Variants in SOX6 observed in about 807,000 individuals in gnomAD.
SOX6 encodes transcription factor SOX-6.
Under a neutral mutation model 97.8 loss-of-function variants are expected in SOX6, and 11 were observed. That is an observed-to-expected ratio of 0.11 (90% CI 0.07 to 0.19). The LOEUF (loss-of-function observed/expected upper bound fraction) is 0.19, where lower values mean the gene tolerates loss of function less well. Among genes scored for constraint, SOX6 ranks in the 10% least tolerant of loss-of-function variants. The probability of loss-of-function intolerance (pLI) is 1.00; values close to 1 mark genes in which losing one functional copy is unlikely to be tolerated. For missense variants in SOX6, 810 were observed against 1,039.5 expected, an observed-to-expected ratio of 0.78 and a Z score of 3.04; for synonymous variants, 360 against 371.4, an observed-to-expected ratio of 0.97 and a Z score of 0.35.
At chr11:16,534,825 T>C (rs1378885029) in intron 4 of SOX6, among the ~76,000 whole-genome samples, 3 of 152,168 alleles carry the variant, frequency 2.0e-5, no homozygotes, top group Non-Finnish European at 2.9e-5. Context: ...GTCCATCACA[T>C]CTTCAACTGG....
chr11:16,079,148 C>T (rs1848420752), intron 9 of SOX6, among the ~76,000 whole-genome samples: 1 of 152,134 alleles, frequency 6.6e-6, no homozygotes, highest in Non-Finnish European at 1.5e-5. Context: ...ACAATGACTG[C>T]CAAGGAACCA....
chr11:16,718,578 C>T (rs1292927132), intron 2 of SOX6, among the ~76,000 whole-genome samples: 2 of 152,140 alleles, frequency 1.3e-5, no homozygotes, highest in Admixed American at 1.3e-4. Flanking sequence ...ACATATTATC[C>T]TGGTTCAGAA....
At chr11:16,209,109 T>A (rs1458059846) in intron 4 of SOX6, among the ~76,000 whole-genome samples, 1 of 152,242 alleles carries the variant, frequency 6.6e-6, no homozygotes, top group Non-Finnish European at 1.5e-5. Context: ...AAAAAATTTA[T>A]GAAATTGTAA....
At chr11:16,554,522 T>G (rs1847729767) in intron 4 of SOX6, among the ~76,000 whole-genome samples, 1 of 152,246 alleles carries the variant, frequency 6.6e-6, no homozygotes, top group African/African-American at 2.4e-5. Flanking sequence ...TTGTTCACAT[T>G]AGGTTTTATT....
rs570615008 is a variant in SOX6 at position 16,218,256 on chromosome 11, T to C, written c.535+16326A>G. Among the ~76,000 whole-genome samples, 235 of 152,234 alleles carry C rather than the reference T, an allele frequency of 1.5e-3. No individual in the cohort carries two copies. The Middle Eastern group carries it at 0.017, about 11-fold the overall frequency. On this transcript the variant is annotated intron_variant, in intron 4 of 15. Coordinates refer to ENST00000683767, the MANE Select transcript of SOX6 (RefSeq NM_001367873.1). ...ATTAATGTGAAACATACTACCACTT[T>C]ATTGCTAGATTAAAATGTTAGACTA...
Position 16,300,330 on chromosome 11 carries a change from AAGC to A in SOX6, c.445+18113_445+18115del, listed in dbSNP as rs1483421835. Among the ~76,000 whole-genome samples the A allele has an allele frequency of 3.3e-5, 5 of 152,304 alleles. No homozygotes were observed. Among genetic ancestry groups the A allele is most frequent in the African/African-American group, 1.2e-4 (5 of 41,564 alleles). ...TTTTTACTGTCCCTTCCTTAAGAAAAAGCAGGTCTAATTAGTTGTCTTCCTAAA... is the reference window on the plus strand; with the variant it reads ...TTTTTACTGTCCCTTCCTTAAGAAAAAGGTCTAATTAGTTGTCTTCCTAAA... On this transcript the variant is annotated intron_variant, in intron 3 of 15. Coordinates refer to ENST00000683767, the MANE Select transcript of SOX6 (RefSeq NM_001367873.1). This position sits in a 1 kb window ranked among gnomAD's most constrained non-coding sequence, Gnocchi z 4.1.
intron 6 of SOX6, among the ~76,000 whole-genome samples, chr11:16,162,497 G>C (rs992256319): frequency 3.9e-5 from 6 of 152,126 alleles, no homozygotes; most frequent in Non-Finnish European, 8.8e-5. Context: ...TCACAATAGT[G>C]AGTTCTCATG....
At chr11:16,284,153 C>T (rs1356646) in intron 3 of SOX6, among the ~76,000 whole-genome samples, 144,330 of 152,164 alleles carry the variant, frequency 0.95, 68,894 homozygotes, top group East Asian at 1. Flanking sequence ...ATATCTCTTA[C>T]AGTAGAGAAC....
In SOX6 at chr11:16,025,382, A is replaced by G. The variant is rs377535428; in HGVS notation, c.1624-10332T>C. Reference sequence around the variant, plus strand: ...ACAAACTCCTATTAAAACTGAACACATGGTTTAAAAAGTGGAGAATTCTAT... The same window carrying G: ...ACAAACTCCTATTAAAACTGAACACGTGGTTTAAAAAGTGGAGAATTCTAT... On this transcript the variant is annotated intron_variant, in intron 12 of 15. Transcript: ENST00000683767. Among the ~76,000 whole-genome samples, 4 of 152,334 alleles carry G rather than the reference A, an allele frequency of 2.6e-5. No individual in the cohort carries two copies. In the East Asian group the frequency reaches 5.8e-4, roughly 22 times the overall value.
At chr11:16,510,030 A>G (rs1430583277) in intron 4 of SOX6, among the ~76,000 whole-genome samples, 1 of 152,088 alleles carries the variant, frequency 6.6e-6, no homozygotes, top group African/African-American at 2.4e-5. Flanking sequence ...AGATAATTCA[A>G]TATCTACAGA....
chr11:16,524,179 A>T (rs527653661), intron 4 of SOX6, among the ~76,000 whole-genome samples: 2 of 152,336 alleles, frequency 1.3e-5, no homozygotes, highest in African/African-American at 4.8e-5. Flanking sequence ...CAAACAAAAA[A>T]GAGAATTTTA....
chr11:16,310,035 C>T (rs1855552153), intron 3 of SOX6, among the ~76,000 whole-genome samples: 1 of 152,092 alleles, frequency 6.6e-6, no homozygotes, highest in East Asian at 1.9e-4. Flanking sequence ...TTGCCTGCAT[C>T]TGTTCCCCAG....
intron 2 of SOX6, among the ~76,000 whole-genome samples, chr11:16,717,953 CTTTTTT>C (rs36059733): frequency 1.5e-5 from 2 of 134,776 alleles, no homozygotes; most frequent in Admixed American, 1.5e-4. Flanking sequence ...TCCTGTTTTT[CTTTTTT>C]TTTTTTTTTC....
At chr11:16,105,126 T>G (rs2133985893) in intron 7 of SOX6, among the ~76,000 whole-genome samples, 1 of 152,098 alleles carries the variant, frequency 6.6e-6, no homozygotes, top group Non-Finnish European at 1.5e-5. Context: ...CATATAAATA[T>G]AGATATAAAA....
intron 6 of SOX6, among the ~76,000 whole-genome samples, chr11:16,114,131 C>A (rs996410492): frequency 5.9e-5 from 9 of 152,086 alleles, no homozygotes; most frequent in African/African-American, 7.2e-5. Context: ...TATATAATAA[C>A]CTTTAGAGCC....
At chr11:16,551,029 G>A (rs773229785) in intron 4 of SOX6, among the ~76,000 whole-genome samples, 1 of 151,988 alleles carries the variant, frequency 6.6e-6, no homozygotes, top group Non-Finnish European at 1.5e-5. Context: ...ACCAGCCTAG[G>A]CAACATAGTA....
chr11:16,343,796 T>G (rs1281586575), intron 1 of SOX6, among the ~76,000 whole-genome samples: 1 of 151,978 alleles, frequency 6.6e-6, no homozygotes, highest in Non-Finnish European at 1.5e-5. Context: ...CTTCTGGTGA[T>G]TCCTCCAGTG....
intron 1 of SOX6, among the ~76,000 whole-genome samples, chr11:16,462,657 G>A (rs1405859200): frequency 6.6e-6 from 1 of 152,118 alleles, no homozygotes; most frequent in East Asian, 1.9e-4. Context: ...GCACAACTGG[G>A]GTCACTGCTA....
intron 7 of SOX6, among the ~76,000 whole-genome samples, chr11:16,100,399 A>G (rs1045234424): frequency 6.6e-6 from 1 of 151,784 alleles, no homozygotes; most frequent in African/African-American, 2.4e-5. Context: ...TTGAGAAATA[A>G]TGTCCATTCT....
Sources: allele counts gnomAD v4.1 joint callset (sites outside exome capture counted in the v4.1 genomes callset), GRCh38; gene constraint gnomAD v4.1.1; non-coding constraint Gnocchi (gnomAD v3.1); transcripts MANE v1.5; gene names NCBI Gene and HGNC (gene_info 2026-07-23, HGNC 2026-07-21).